The following CFDP1 variants were observed in gnomAD, a reference collection of about 807,000 sequenced individuals.
CFDP1 encodes heterochromatin-stabilizing protein CFDP1.
In CFDP1, 31 loss-of-function variants were observed where a neutral mutation model predicts 40.1. The ratio of observed to expected loss-of-function variants is 0.77; its 90% CI spans 0.58 to 1.04. CFDP1 has a LOEUF of 1.04. Among genes scored for constraint, CFDP1 ranks in the 50% least tolerant of loss-of-function variants. The pLI is 0.00. For missense variants in CFDP1, 423 were observed against 343.4 expected (o/e 1.23, Z -1.83); for synonymous variants, 167 against 120.0 (o/e 1.39, Z -2.56).
chr16:75,333,955 T>C (rs1291047034), intron 5 of CFDP1, among the ~76,000 whole-genome samples: 2 of 152,230 alleles, frequency 1.3e-5, no homozygotes, highest in African/African-American at 4.8e-5. Context: ...CCAAGACTTC[T>C]GGGCTGCCCC....
At chr16:75,374,489 G>A (rs1215699508) in intron 5 of CFDP1, among the ~76,000 whole-genome samples, 2 of 151,792 alleles carry the variant, frequency 1.3e-5, no homozygotes, top group African/African-American at 4.8e-5. Context: ...ATTACTAAAT[G>A]CTTAGGGAAA....
At chr16:75,303,393 A>G (rs1567639300) in intron 6 of CFDP1, among the ~76,000 whole-genome samples, 16 of 135,284 alleles carry the variant, frequency 1.2e-4, no homozygotes, top group African/African-American at 4.1e-4. Context: ...AAATAAATAA[A>G]TAAATAAATG....
At chr16:75,366,242 TTTG>T (rs1472632392) in intron 5 of CFDP1, among the ~76,000 whole-genome samples, 1 of 152,210 alleles carries the variant, frequency 6.6e-6, no homozygotes, top group Non-Finnish European at 1.5e-5. Context: ...CAAGAAAACA[TTTG>T]TTTTCTGGCA....
At chr16:75,389,278 G>A (rs2078927573) in intron 5 of CFDP1, among the ~76,000 whole-genome samples, 2 of 152,334 alleles carry the variant, frequency 1.3e-5, no homozygotes, top group African/African-American at 2.4e-5. Flanking sequence ...CGGATCAAGA[G>A]CATGGAATGA....
At chr16:75,406,978 G>A (rs567435091) in intron 4 of CFDP1, among the ~76,000 whole-genome samples, 4 of 152,282 alleles carry the variant, frequency 2.6e-5, no homozygotes, top group Admixed American at 1.3e-4. Flanking sequence ...CTGAGATCAC[G>A]CCACTGTACT....
intron 5 of CFDP1, among the ~76,000 whole-genome samples, chr16:75,373,919 AT>A (rs2078772343): frequency 6.6e-6 from 1 of 152,332 alleles, no homozygotes; most frequent in Admixed American, 6.5e-5. Context: ...AAAGAAAATG[AT>A]AAAAAACCTA....
intron 1 of CFDP1, among the ~76,000 whole-genome samples, chr16:75,429,928 G>A (rs140777659): frequency 6.6e-6 from 1 of 152,108 alleles, no homozygotes; most frequent in African/African-American, 2.4e-5. Context: ...CTGAGAGCAC[G>A]CGCCCAAGGT....
intron 6 of CFDP1, among the ~76,000 whole-genome samples, chr16:75,296,576 C>T (rs1309810569): frequency 6.6e-6 from 1 of 152,176 alleles, no homozygotes; most frequent in Non-Finnish European, 1.5e-5. Context: ...AATGAGGATG[C>T]TAACTGGGTA....
intron 5 of CFDP1, among the ~76,000 whole-genome samples, chr16:75,334,960 AAAAAAAAAGAAAAG>A (rs1356057823): frequency 2.0e-5 from 3 of 152,098 alleles, no homozygotes; most frequent in Admixed American, 6.5e-5. Context: ...CTGCCTCAAA[AAAAAAAAAGAAAAG>A]AAAAAAAGAA....
intron 4 of CFDP1, among the ~76,000 whole-genome samples, chr16:75,405,749 CAA>C (rs35698522): frequency 3.0e-5 from 3 of 100,432 alleles, no homozygotes; most frequent in East Asian, 2.8e-4. Context: ...GACTCCATCT[CAA>C]AAAAAAAAAA....
chr16:75,348,043 C>A (rs937542637), intron 5 of CFDP1, among the ~76,000 whole-genome samples: 1 of 152,196 alleles, frequency 6.6e-6, no homozygotes, highest in Non-Finnish European at 1.5e-5. Flanking sequence ...GGTCCTGGAA[C>A]ACAAACGGTT....
intron 5 of CFDP1, among the ~76,000 whole-genome samples, chr16:75,324,279 G>C (rs1210062570): frequency 6.6e-6 from 1 of 152,116 alleles, no homozygotes; most frequent in African/African-American, 2.4e-5. Context: ...AGGGGGACGA[G>C]CTGGGATAGA....
At chr16:75,311,371 G>A (rs1190115529) in intron 5 of CFDP1, among the ~76,000 whole-genome samples, 1 of 152,112 alleles carries the variant, frequency 6.6e-6, no homozygotes, top group Non-Finnish European at 1.5e-5. Context: ...TCGAACTCCT[G>A]GCCTCAATCA....
At chr16:75,343,211 A>C (rs1025437499) in intron 5 of CFDP1, among the ~76,000 whole-genome samples, 3 of 152,142 alleles carry the variant, frequency 2.0e-5, no homozygotes, top group African/African-American at 7.2e-5. Context: ...CATGACACTA[A>C]ATAAGTTAAA....
intron 5 of CFDP1, among the ~76,000 whole-genome samples, chr16:75,308,663 G>T (rs182284213): frequency 6.6e-6 from 1 of 152,198 alleles, no homozygotes. Context: ...AGATTTTAAG[G>T]GGAACAATTC....
intron 5 of CFDP1, among the ~76,000 whole-genome samples, chr16:75,356,307 C>A (rs547783694): frequency 6.6e-6 from 1 of 152,158 alleles, no homozygotes; most frequent in Non-Finnish European, 1.5e-5. Flanking sequence ...CCATGGGCTG[C>A]AGAATGGATG....
At chr16:75,340,767 T>C (rs1330612315) in intron 5 of CFDP1, among the ~76,000 whole-genome samples, 1 of 152,026 alleles carries the variant, frequency 6.6e-6, no homozygotes, top group Admixed American at 6.6e-5. Flanking sequence ...AAGAAAAGAG[T>C]TAACTTATAA....
chr16:75,318,654 T>C (rs1427175546), intron 5 of CFDP1, among the ~76,000 whole-genome samples: 1 of 152,190 alleles, frequency 6.6e-6, no homozygotes, highest in Non-Finnish European at 1.5e-5. Flanking sequence ...TCCGCCCGCC[T>C]TGGCCTCCCA....
chr16:75,302,534 A>T (rs889792376), intron 6 of CFDP1, among the ~76,000 whole-genome samples: 10 of 152,232 alleles, frequency 6.6e-5, no homozygotes, highest in Admixed American at 5.9e-4. Flanking sequence ...TGCAGGAGTG[A>T]GCCACTGCTC....
Sources: allele counts gnomAD v4.1 joint callset (sites outside exome capture counted in the v4.1 genomes callset), GRCh38; gene constraint gnomAD v4.1.1; transcripts MANE v1.5; gene names NCBI Gene and HGNC (gene_info 2026-07-23, HGNC 2026-07-21).